The following FNBP1 variants were observed in gnomAD, a reference collection of about 807,000 sequenced individuals.
FNBP1 encodes the protein formin-binding protein 1.
In FNBP1, 26 loss-of-function variants were observed where a neutral mutation model predicts 90.6. The ratio of observed to expected loss-of-function variants is 0.29; its 90% confidence interval spans 0.21 to 0.40. The LOEUF (loss-of-function observed/expected upper bound fraction) is 0.40. Among genes scored for constraint, FNBP1 ranks in the 10% least tolerant of loss-of-function variants. The pLI, the probability that FNBP1 is intolerant of heterozygous loss-of-function variation, is 1.00. For missense variants in FNBP1, 635 were observed against 768.0 expected (o/e 0.83, Z 2.05); for synonymous variants, 260 against 265.2 (o/e 0.98, Z 0.19).
intron 2 of FNBP1, among the ~76,000 whole-genome samples, chr9:129,979,679 G>T (rs995638229): frequency 6.6e-6 from 1 of 151,812 alleles, no homozygotes; most frequent in Admixed American, 6.6e-5. Context: ...TCATTCTGTT[G>T]CCCAGGCTGG....
intron 1 of FNBP1, among the ~76,000 whole-genome samples, chr9:130,022,489 A>G (rs1471138844): frequency 2.0e-5 from 3 of 152,224 alleles, no homozygotes; most frequent in Non-Finnish European, 4.4e-5. Context: ...TTACAGGGGT[A>G]AGCCACCGTG....
intron 4 of FNBP1, among the ~76,000 whole-genome samples, chr9:129,962,290 G>A (rs2047953326): frequency 6.6e-6 from 1 of 152,208 alleles, no homozygotes. Context: ...CATCCTCACT[G>A]CTTTTCCTAA....
At chr9:130,011,380 A>G (rs2056590284) in intron 1 of FNBP1, among the ~76,000 whole-genome samples, 1 of 151,488 alleles carries the variant, frequency 6.6e-6, no homozygotes, top group South Asian at 2.1e-4. Flanking sequence ...AAACTTTATT[A>G]AAATGCATTT....
chr9:129,957,960 C>A lies in FNBP1; in HGVS notation c.409-496G>T, dbSNP rs965367592. ...AACTGTCTAATCTTTATTATTTCCACGTGACTTTTAGAAAAATACTCAACT... is the reference window on the plus strand; with the variant it reads ...AACTGTCTAATCTTTATTATTTCCAAGTGACTTTTAGAAAAATACTCAACT... On this transcript the variant is annotated intron_variant, in intron 5 of 16. Coordinates refer to ENST00000446176, the MANE Select transcript of FNBP1 (RefSeq NM_015033.3). This position sits in a 1 kb window ranked among gnomAD's most constrained non-coding sequence, Gnocchi z 4.3. 6.6e-6 allele frequency among the ~76,000 whole-genome samples: 1 copy of A among 152,206 alleles called. No homozygotes were observed. The highest frequency in any genetic ancestry group is 1.9e-4 in the East Asian group (1 of 5,180).
intron 11 of FNBP1, among the ~76,000 whole-genome samples, chr9:129,915,178 C>T (rs1302486001): frequency 6.6e-6 from 1 of 152,022 alleles, no homozygotes; most frequent in African/African-American, 2.4e-5. Context: ...CCACAGTCTT[C>T]CATTCCCACA....
intron 4 of FNBP1, among the ~76,000 whole-genome samples, chr9:129,959,053 G>C (rs904679739): frequency 1.5e-5 from 2 of 133,862 alleles, no homozygotes; most frequent in African/African-American, 5.4e-5. Flanking sequence ...AACAAGAATA[G>C]TCATCACAGA....
At chr9:130,017,579 C>T (rs956232731) in intron 1 of FNBP1, among the ~76,000 whole-genome samples, 5 of 152,130 alleles carry the variant, frequency 3.3e-5, no homozygotes, top group Non-Finnish European at 5.9e-5. Flanking sequence ...CCTGTAATCT[C>T]AGCACTTTGG....
rs1002582592 is a variant in FNBP1 at position 129,957,037 on chromosome 9, T to G, written c.513+323A>C. Among the ~76,000 whole-genome samples, 4 of 67,558 alleles carry G rather than the reference T, an allele frequency of 5.9e-5. No individual in the cohort carries two copies. The highest frequency in any genetic ancestry group is 2.1e-4 in the African/African-American group (4 of 19,028). The allele number at this position is 67,558 out of a possible 152,430, so 44.3% of individuals were successfully genotyped here. A position where few individuals can be genotyped will look rare whatever the true frequency, so the allele number is the denominator to read the frequency against. ...AATGAAAGACACACTTGAGCTTTCTTTTGTCTTTTTTTTTTTTTGGCGATA... is the reference window on the plus strand; with the variant it reads ...AATGAAAGACACACTTGAGCTTTCTGTTGTCTTTTTTTTTTTTTGGCGATA... On this transcript the variant is annotated intron_variant, in intron 6 of 16. Coordinates refer to ENST00000446176, the MANE Select transcript of FNBP1 (RefSeq NM_015033.3). This position sits in a 1 kb window ranked among gnomAD's most constrained non-coding sequence, Gnocchi z 4.3.
intron 6 of FNBP1, among the ~76,000 whole-genome samples, chr9:129,945,372 C>T (rs898805687): frequency 6.6e-6 from 1 of 152,130 alleles, no homozygotes; most frequent in African/African-American, 2.4e-5. Context: ...ATACTAACCA[C>T]TTCCTTTTTA....
At chr9:129,930,651 C>T (rs1480154050) in intron 6 of FNBP1, among the ~76,000 whole-genome samples, 1 of 152,072 alleles carries the variant, frequency 6.6e-6, no homozygotes, top group Non-Finnish European at 1.5e-5. Flanking sequence ...AAAGGGGCAA[C>T]AATTGTTGAC....
At chr9:130,043,219 C>T (rs946932882), upstream of FNBP1, 7 of 339,912 alleles carry the variant, frequency 2.1e-5, no homozygotes, top group South Asian at 3.1e-4. Context: ...CGCCCTACAC[C>T]CGGAGAGCGG....
intron 6 of FNBP1, among the ~76,000 whole-genome samples, chr9:129,941,789 G>C (rs913988881): frequency 6.6e-6 from 1 of 151,604 alleles, no homozygotes. Flanking sequence ...TAAAAGTTTA[G>C]GCTGGGTGCA....
chr9:129,941,447 C>G (rs184644523), intron 6 of FNBP1, among the ~76,000 whole-genome samples: 8 of 152,172 alleles, frequency 5.3e-5, no homozygotes, highest in African/African-American at 1.9e-4. Flanking sequence ...GAACAACTGA[C>G]AATGATAGAC....
chr9:129,937,508 G>A (rs1310957264), intron 6 of FNBP1, among the ~76,000 whole-genome samples: 4 of 151,830 alleles, frequency 2.6e-5, no homozygotes, highest in East Asian at 1.9e-4. Context: ...TGAGGCGGGC[G>A]GATCATGAGG....
intron 2 of FNBP1, among the ~76,000 whole-genome samples, chr9:129,982,365 G>A (rs2051397097): frequency 6.6e-6 from 1 of 152,130 alleles, no homozygotes; most frequent in South Asian, 2.1e-4. Flanking sequence ...AAACTACTTG[G>A]GAGGCTGGGG....
chr9:129,926,899 AAAAAAGAAAAAG>A (rs904007583), intron 8 of FNBP1, among the ~76,000 whole-genome samples: 14 of 151,950 alleles, frequency 9.2e-5, no homozygotes, highest in African/African-American at 2.9e-4. Context: ...AAGAAAAAAA[AAAAAAGAAAAAG>A]AAAAAGAAAA....
intron 1 of FNBP1, 53 bp from the exon 2 acceptor site, chr9:129,995,011 A>G (rs1186462927): frequency 1.2e-6 from 1 of 816,700 alleles, no homozygotes; most frequent in Non-Finnish European, 2.1e-6. Context: ...GATTAACATA[A>G]TTTCAATGAA....
chr9:130,039,095 A>G (rs11794339), intron 1 of FNBP1, among the ~76,000 whole-genome samples: 8,644 of 152,234 alleles, frequency 0.057, 307 homozygotes, highest in Middle Eastern at 0.092. Context: ...CCTTACTAAC[A>G]CTGCCTTTTT....
At chr9:129,978,378 TG>T in intron 4 of FNBP1, 86 bp downstream of exon 4, 1 of 1,142,764 alleles carries the variant, frequency 8.8e-7, no homozygotes. Flanking sequence ...TAGTCTTATA[TG>T]GTTTTATTTA....
Sources: gnomAD v4.1 joint callset for allele counts (sites outside exome capture counted in the v4.1 genomes callset) on GRCh38, gnomAD v4.1.1 for gene constraint, Gnocchi (gnomAD v3.1) non-coding constraint, MANE v1.5 for transcripts, NCBI Gene and HGNC (gene_info 2026-07-23, HGNC 2026-07-21) for gene names.